The following AGGF1 variants were observed in gnomAD, a reference collection of about 807,000 sequenced individuals.
The protein encoded by AGGF1 is angiogenic factor with G patch and FHA domains 1.
In AGGF1, 56 loss-of-function variants were observed where a neutral mutation model predicts 86.5. That is an observed-to-expected ratio of 0.65 (90% CI 0.52 to 0.81). AGGF1 has a LOEUF of 0.81. Among genes scored for constraint, AGGF1 ranks in the 30% least tolerant of loss-of-function variants. The probability of loss-of-function intolerance (pLI) is 0.00; values close to 1 mark genes in which losing one functional copy is unlikely to be tolerated. For synonymous variants in AGGF1, 313 were observed against 297.1 expected (o/e 1.05, Z -0.55); for missense variants, 816 against 850.9 (o/e 0.96, Z 0.51).
In AGGF1 at chr5:77,031,337, T is replaced by A. The variant is rs538349669; in HGVS notation, c.210+361T>A. Among the ~76,000 whole-genome samples the A allele has an allele frequency of 2.6e-5, 4 of 152,334 alleles. No homozygotes were observed. In the South Asian group the frequency reaches 8.3e-4, roughly 32 times the overall value. ...TCAGAATCCCATCTCTGCTATTCAC[T>A]GGGTGTGTGAACTTATATACCGAGT... is the stretch of plus-strand genomic sequence containing the variant. On this transcript the variant is annotated intron_variant, in intron 1 of 13. Transcript: ENST00000312916.
intron 1 of AGGF1, among the ~76,000 whole-genome samples, chr5:77,031,756 T>C (rs1421698500): frequency 6.6e-6 from 1 of 152,024 alleles, no homozygotes; most frequent in African/African-American, 2.4e-5. Flanking sequence ...ATACAAAAAT[T>C]AGCCGGGCGT....
At chr5:77,031,173 C>T (rs1015571868) in intron 1 of AGGF1, among the ~76,000 whole-genome samples, 197 bp downstream of exon 1, 2 of 152,250 alleles carry the variant, frequency 1.3e-5, no homozygotes, top group Non-Finnish European at 2.9e-5. Flanking sequence ...TGATTTAAAT[C>T]AATGTCTCGC....
chr5:77,052,256 G>T (rs1251526917), intron 8 of AGGF1, among the ~76,000 whole-genome samples: 1 of 152,104 alleles, frequency 6.6e-6, no homozygotes, highest in Non-Finnish European at 1.5e-5. Context: ...AGGAAGCTGA[G>T]GTGGGAGGAT....
rs762299495 is a variant in AGGF1 at position 77,048,962 on chromosome 5, G to A, written c.1340G>A (p.Arg447Gln). The change falls in exon 8 of 14, where the codon CGA (arginine) becomes CAA (glutamine). Residue 447 changes from arginine to glutamine, a missense_variant. By Grantham distance (43) the Arg-to-Gln change is conservative. Transcript: ENST00000312916. ...GREKDMEHTL[R>Q]IPEVGVSKFH... ...GAAAAGGATATGGAACATACTCTCC[G>A]AATCCCTGAAGTTGGTGTCAGTAAG... 6 of 1,613,604 alleles carry A rather than the reference G, an allele frequency of 3.7e-6. No homozygotes were observed. The highest frequency in any genetic ancestry group is 2.2e-5 in the East Asian group (1 of 44,808).
intron 9 of AGGF1, 66 bp from the exon 10 acceptor site, chr5:77,053,899 C>T (rs776504809): frequency 1.4e-6 from 2 of 1,468,568 alleles, no homozygotes; most frequent in Non-Finnish European, 1.9e-6. Context: ...ACATTACTTA[C>T]AGTAGATGTA....
At chr5:77,042,286 C>T (rs1469453810) in intron 5 of AGGF1, among the ~76,000 whole-genome samples, 12 of 148,256 alleles carry the variant, frequency 8.1e-5, no homozygotes, top group East Asian at 4.2e-4. Context: ...TCCACAAAGC[C>T]GCCATTGTCA....
intron 2 of AGGF1, among the ~76,000 whole-genome samples, chr5:77,035,156 C>A (rs60469192): frequency 0.011 from 1,742 of 152,248 alleles, 28 homozygotes; most frequent in African/African-American, 0.04. Context: ...TCCCTAATTC[C>A]TTGCCTTTAT....
Position 77,041,387 on chromosome 5 carries a change from T to TTTAATA in AGGF1, c.870+1668_870+1669insTTAATA, listed in dbSNP as rs1478673590. ...TTCAAGACCAGCCTGGCCAACATGG[T>TTTAATA]GAATCCCCGTCTCTACTAAAAATAC... is the stretch of plus-strand genomic sequence containing the variant. On this transcript the variant is annotated intron_variant, in intron 5 of 13. Transcript: ENST00000312916. Among the ~76,000 whole-genome samples, 24 of 151,948 alleles carry TTTAATA rather than the reference T, an allele frequency of 1.6e-4. No homozygotes were observed. In the East Asian group the frequency reaches 3.7e-3, roughly 23 times the overall value.
intron 11 of AGGF1, 30 bp from the exon 12 acceptor site, chr5:77,059,574 ATCAGCTTTCTTT>A (rs772811094): frequency 1.9e-6 from 3 of 1,560,888 alleles, no homozygotes; most frequent in Non-Finnish European, 2.6e-6. Flanking sequence ...TGTTTTATTT[ATCAGCTTTCTTT>A]TCCTGAATGA....
At chr5:77,058,303 A>G (rs1747493215) in intron 11 of AGGF1, among the ~76,000 whole-genome samples, 1 of 152,248 alleles carries the variant, frequency 6.6e-6, no homozygotes, top group Non-Finnish European at 1.5e-5. Context: ...TTGAGAAACT[A>G]AAGCTTAGTA....
chr5:77,048,138 T>A, intron 6 of AGGF1, 23 bp from the exon 7 acceptor site: 1 of 1,416,536 alleles, frequency 7.1e-7, no homozygotes. Context: ...AAATTAATAT[T>A]TACTCACTTC....
chr5:77,046,748 T>C (rs1747262748), intron 6 of AGGF1, 71 bp downstream of exon 6: 1 of 1,379,304 alleles, frequency 7.3e-7, no homozygotes, highest in African/African-American at 1.4e-5. Flanking sequence ...CCATTAAAAA[T>C]GTTAGTGAGT....
chr5:77,059,830 G>A (rs1185287673), intron 12 of AGGF1, 87 bp downstream of exon 12: 1 of 1,526,566 alleles, frequency 6.6e-7, no homozygotes, highest in Non-Finnish European at 9.0e-7. Context: ...TATATATCCT[G>A]ATAGGTGGCC....
intron 8 of AGGF1, among the ~76,000 whole-genome samples, chr5:77,049,625 C>T (rs1747333420): frequency 6.7e-6 from 1 of 149,856 alleles, no homozygotes; most frequent in Admixed American, 6.7e-5. Context: ...TCACGACTCA[C>T]TGCAGCCTCA....
intron 5 of AGGF1, among the ~76,000 whole-genome samples, chr5:77,042,595 C>A (rs1180167881): frequency 1.6e-5 from 1 of 63,634 alleles, no homozygotes; most frequent in East Asian, 5.5e-4. Flanking sequence ...GACCCCCCCC[C>A]ACCTCCCTCC....
Position 77,030,573 on chromosome 5 carries a change from C to T in AGGF1, c.-194C>T, listed in dbSNP as rs1262547549. On this transcript the variant is annotated 5_prime_UTR_variant, in exon 1 of 14. Coordinates refer to ENST00000312916, the MANE Select transcript of AGGF1 (RefSeq NM_018046.5). ...ATCGGGCAGGGGCCATCCTCGGTCCCCTTGCTCGTTGCTCGCAGCCCCGTT... is the reference window on the plus strand; with the variant it reads ...ATCGGGCAGGGGCCATCCTCGGTCCTCTTGCTCGTTGCTCGCAGCCCCGTT... 6.8e-6 allele frequency: 5 copies of T among 730,328 alleles called. No individual in the cohort carries two copies. The highest frequency in any genetic ancestry group is 9.7e-6 in the Non-Finnish European group (4 of 412,946). 45.2% of individuals were successfully genotyped at this position (730,328 alleles called of 1,614,324 possible). A position where few individuals can be genotyped will look rare whatever the true frequency, so the allele number is the denominator to read the frequency against.
chr5:77,045,598 AT>A (rs1365369929), intron 5 of AGGF1, among the ~76,000 whole-genome samples: 1 of 152,214 alleles, frequency 6.6e-6, no homozygotes, highest in Non-Finnish European at 1.5e-5. Flanking sequence ...ATCAAGCTGA[AT>A]CTGAAGTACT....
intron 10 of AGGF1, among the ~76,000 whole-genome samples, chr5:77,054,607 G>C (rs918715054): frequency 6.6e-6 from 1 of 152,156 alleles, no homozygotes; most frequent in African/African-American, 2.4e-5. Context: ...AAAATGATAA[G>C]TACATGAAGT....
At position 77,061,728 on chromosome 5, in the gene AGGF1, C is replaced by G; in HGVS notation, c.1870C>G (p.Arg624Gly). The G allele has an allele frequency of 6.2e-7, 1 of 1,608,502 alleles. No individual in the cohort carries two copies. The highest frequency in any genetic ancestry group is 8.5e-7 in the Non-Finnish European group (1 of 1,176,598). The change falls in exon 13 of 14, where the codon CGG becomes GGG. Residue 624 changes from arginine (R) to glycine (G), a missense_variant. Physicochemically the swap from Arg to Gly is moderately radical, Grantham distance 125 (BLOSUM62 -2). Coordinates refer to ENST00000312916, the MANE Select transcript of AGGF1 (RefSeq NM_018046.5). The part of the protein sequence containing the change: ...HSEITDSNKG[R>G]KMLEKMGWKK... ...TGAAATTACTGATAGCAACAAAGGT[C>G]GGAAGATGTTGGAGAAGATGGGTTG...
Sources: gnomAD v4.1 joint callset for allele counts (sites outside exome capture counted in the v4.1 genomes callset) on GRCh38, gnomAD v4.1.1 for gene constraint, MANE v1.5 for transcripts, NCBI Gene and HGNC (gene_info 2026-07-23, HGNC 2026-07-21) for gene names.